MIS18BP1: variants seen among roughly 807,000 people sequenced by gnomAD.
The protein encoded by MIS18BP1 is mis18-binding protein 1.
Under a neutral mutation model 116.1 loss-of-function variants are expected in MIS18BP1, and 72 were observed. The observed-to-expected ratio is 0.62, with a 90% CI of 0.51 to 0.75. The LOEUF (loss-of-function observed/expected upper bound fraction) is 0.75, where lower values mean the gene tolerates loss of function less well. Ranked by LOEUF, MIS18BP1 falls within the 30% of genes least tolerant of loss-of-function variation. The pLI is 0.00. For missense variants in MIS18BP1, 1,363 were observed against 1,303.2 expected (o/e 1.05, Z -0.71); for synonymous variants, 386 against 427.0 (o/e 0.90, Z 1.18).
intron 1 of MIS18BP1, among the ~76,000 whole-genome samples, chr14:45,248,052 T>A (rs1891769434): frequency 6.8e-6 from 1 of 146,070 alleles, no homozygotes; most frequent in South Asian, 2.2e-4. Flanking sequence ...TCTTGTTTCT[T>A]TCGTTTTTTT....
rs182754218 is a variant in MIS18BP1, at chr14:45,205,426, T to G, written c.3240+657A>C. 5.0e-4 allele frequency among the ~76,000 whole-genome samples: 76 copies of G among 152,238 alleles called. 1 individual carries two copies. Among genetic ancestry groups the G allele is most frequent in the Non-Finnish European group, 9.3e-4 (63 of 67,972 alleles). On this transcript the variant is annotated intron_variant, in intron 15 of 16. Transcript: ENST00000310806. The stretch of plus-strand genomic sequence containing the variant: ...TTAGAGGAAATTTGAGATGAAATAC[T>G]TTTTCCAGAATCCTAGTACTTATAT...
chr14:45,252,494 A>G (rs1891904175), intron 1 of MIS18BP1, among the ~76,000 whole-genome samples: 1 of 152,244 alleles, frequency 6.6e-6, no homozygotes, highest in Admixed American at 6.5e-5. Flanking sequence ...TTTGAAGGCC[A>G]GGATGAAGTG....
Position 45,235,897 on chromosome 14 carries a change from A to G in MIS18BP1, c.1265T>C (p.Ile422Thr). ...TATAGTCCTAAGTTTGTTGTGCTCA[A>G]TCCGCTCTATAATTACATTACTGTG... ...YWHSNVIIERIEHNKLRTISG... is the reference protein window; with the variant it reads ...YWHSNVIIERTEHNKLRTISG... Residue 422 changes from isoleucine to threonine, a missense_variant, in exon 6 of 17, where the codon ATT (isoleucine) becomes ACT (threonine). Ile to Thr is a moderately conservative substitution (Grantham distance 89, BLOSUM62 -1). Coordinates refer to ENST00000310806, the MANE Select transcript of MIS18BP1 (RefSeq NM_018353.5). The G allele has an allele frequency of 1.9e-6, 3 of 1,612,086 alleles. No homozygotes were observed. Among genetic ancestry groups the G allele is most frequent in the Admixed American group, 3.3e-5 (2 of 59,724 alleles).
chr14:45,209,815 C>T (rs941797400), intron 14 of MIS18BP1, among the ~76,000 whole-genome samples: 6 of 152,140 alleles, frequency 3.9e-5, no homozygotes, highest in South Asian at 4.1e-4. Context: ...CTGCAAAGAT[C>T]GCACTACTTT....
At chr14:45,216,981 A>G (rs1222459005) in intron 13 of MIS18BP1, 38 bp downstream of exon 13, 2 of 1,597,802 alleles carry the variant, frequency 1.3e-6, no homozygotes, top group Non-Finnish European at 8.5e-7. Flanking sequence ...TACAAAAGTC[A>G]ATACAGATAA....
In MIS18BP1 at chr14:45,231,163, G is replaced by GTA; in HGVS notation, c.1570_1571dup (p.Asp525ThrfsTer10). On this transcript the variant is annotated frameshift_variant, in exon 8 of 17. Coordinates refer to ENST00000310806, the MANE Select transcript of MIS18BP1 (RefSeq NM_018353.5). LOFTEE classifies it high-confidence loss of function. Reference sequence around the variant, plus strand: ...TACCCAAATTATCACAATCAAAATCGTAAGTGGTGGTGGCTCTTTGAGCAG... The same window carrying GTA: ...TACCCAAATTATCACAATCAAAATCGTATAAGTGGTGGTGGCTCTTTGAGCAG... 1 of 1,610,726 alleles carries GTA rather than the reference G, an allele frequency of 6.2e-7. No homozygotes were observed. The highest frequency in any genetic ancestry group is 8.5e-7 in the Non-Finnish European group (1 of 1,179,120).
At chr14:45,246,204 C>G (rs971193187) in intron 2 of MIS18BP1, among the ~76,000 whole-genome samples, 18 of 152,196 alleles carry the variant, frequency 1.2e-4, no homozygotes, top group African/African-American at 3.4e-4. Flanking sequence ...ATTCTGCTCA[C>G]AGTAAAGGCC....
Position 45,246,785 on chromosome 14 carries a change from C to A in MIS18BP1, c.502G>T (p.Glu168Ter). ...TCTGACTGGAATGATTTGTTGTTTT[C>A]CTTTTCTTCACATAGGTAGGTATGC... ...LQHTYLCEEK[E>*]NNKSFQSDDS... Residue 168 changes from glutamate (E) to a stop codon, truncating the protein, a stop_gained, in exon 2 of 17, where the codon GAA becomes TAA. Transcript: ENST00000310806. LOFTEE classifies it high-confidence loss of function. 1 of 1,579,096 alleles carries A rather than the reference C, an allele frequency of 6.3e-7. No individual in the cohort carries two copies. Among genetic ancestry groups the A allele is most frequent in the South Asian group, 1.2e-5 (1 of 84,152 alleles).
At chr14:45,252,143 C>T (rs1307371537) in intron 1 of MIS18BP1, among the ~76,000 whole-genome samples, 1 of 152,194 alleles carries the variant, frequency 6.6e-6, no homozygotes, top group Non-Finnish European at 1.5e-5. Flanking sequence ...ACCGATTCTA[C>T]CCGACTCCAT....
chr14:45,227,608 TA>T, intron 9 of MIS18BP1, 54 bp downstream of exon 9: 1 of 1,481,454 alleles, frequency 6.8e-7, no homozygotes, highest in Non-Finnish European at 9.2e-7. Context: ...TTTTCAGTAG[TA>T]AATCACCCTT....
At chr14:45,216,493 G>A (rs528895389) in intron 13 of MIS18BP1, among the ~76,000 whole-genome samples, 1 of 151,984 alleles carries the variant, frequency 6.6e-6, no homozygotes, top group East Asian at 1.9e-4. Flanking sequence ...CACTTTTCCT[G>A]TGATCTTGGT....
chr14:45,253,150 G>T lies in MIS18BP1; in HGVS notation c.-207C>A, dbSNP rs1891929601. On this transcript the variant is annotated 5_prime_UTR_variant, in exon 1 of 17. Transcript: ENST00000310806. ...CAGGCCCACGGTGTATCCTGCCCGCGGCGGCCAGGCGCCAAGCGACGCTTA... is the reference window on the plus strand; with the variant it reads ...CAGGCCCACGGTGTATCCTGCCCGCTGCGGCCAGGCGCCAAGCGACGCTTA... The T allele has an allele frequency of 6.6e-6, 1 of 152,254 alleles. No individual in the cohort carries two copies. Among genetic ancestry groups the T allele is most frequent in the Non-Finnish European group, 1.5e-5 (1 of 68,076 alleles). The allele number at this position is 152,254 out of a possible 1,614,324, so 9.4% of individuals were successfully genotyped here.
chr14:45,222,344 T>C (rs1429445123), intron 11 of MIS18BP1, among the ~76,000 whole-genome samples: 1 of 152,212 alleles, frequency 6.6e-6, no homozygotes, highest in East Asian at 1.9e-4. Flanking sequence ...GATTTTCCAG[T>C]ATTTTAATTT....
intron 11 of MIS18BP1, among the ~76,000 whole-genome samples, chr14:45,221,591 G>T (rs1566808358): frequency 1.3e-5 from 2 of 152,032 alleles, no homozygotes; most frequent in Non-Finnish European, 1.5e-5. Context: ...TTGATTTGTA[G>T]TTTAATTCAA....
chr14:45,204,303 C>T, intron 16 of MIS18BP1, 91 bp from the exon 17 acceptor site: 1 of 1,535,578 alleles, frequency 6.5e-7, no homozygotes, highest in Non-Finnish European at 8.8e-7. Flanking sequence ...AATGCTAAGT[C>T]TGTCCACTTG....
Position 45,203,800 on chromosome 14 carries a change from A to AG in MIS18BP1, c.*308_*309insC, listed in dbSNP as rs397794015. The AG allele has an allele frequency of 1.4e-4, 22 of 161,948 alleles. No homozygotes were observed. The South Asian group carries it at 4.2e-3, about 31-fold the overall frequency. 10.0% of individuals were successfully genotyped at this position (161,948 alleles called of 1,614,324 possible). ...CAAAATTTTCTTGAAATAAAAAAAA[A>AG]TCTGTTTGGGAAATGGTTTTCTTAA... On this transcript the variant is annotated 3_prime_UTR_variant, in exon 17 of 17. Transcript: ENST00000310806.
chr14:45,220,141 C>G (rs1229343039), intron 11 of MIS18BP1, among the ~76,000 whole-genome samples: 1 of 151,824 alleles, frequency 6.6e-6, no homozygotes, highest in Non-Finnish European at 1.5e-5. Flanking sequence ...ATCTGTCACC[C>G]ATGCAGGAGT....
chr14:45,250,884 A>T (rs1378799468), intron 1 of MIS18BP1, among the ~76,000 whole-genome samples: 1 of 152,126 alleles, frequency 6.6e-6, no homozygotes, highest in Non-Finnish European at 1.5e-5. Flanking sequence ...AAAAATACAA[A>T]AAATTAGCCG....
At chr14:45,211,964 C>A (rs115674480) in intron 13 of MIS18BP1, among the ~76,000 whole-genome samples, 3,721 of 152,330 alleles carry the variant, frequency 0.024, 75 homozygotes, top group African/African-American at 0.059. Flanking sequence ...CTGATGTGCA[C>A]CCAGCCTCCC....
Sources: gnomAD v4.1 joint callset for allele counts (sites outside exome capture counted in the v4.1 genomes callset) on GRCh38, gnomAD v4.1.1 for gene constraint, MANE v1.5 for transcripts, NCBI Gene and HGNC (gene_info 2026-07-23, HGNC 2026-07-21) for gene names.